Variants in PHLPP1 observed in about 807,000 individuals in gnomAD.
PHLPP1 encodes the protein PH domain leucine-rich repeat-containing protein phosphatase 1.
In PHLPP1, 42 loss-of-function variants were observed where a neutral mutation model predicts 117.2. That is an observed-to-expected ratio of 0.36 (90% confidence interval 0.28 to 0.46). PHLPP1 has a LOEUF of 0.46. Among genes scored for constraint, PHLPP1 ranks in the 20% least tolerant of loss-of-function variants. PHLPP1 has a pLI of 1.00. For synonymous variants in PHLPP1, 1,042 were observed against 970.7 expected, an observed-to-expected ratio of 1.07 and a Z score of -1.37; for missense variants, 2,084 against 2,241.9, an observed-to-expected ratio of 0.93 and a Z score of 1.42.
intron 1 of PHLPP1, among the ~76,000 whole-genome samples, chr18:62,780,296 G>T (rs1354605136): frequency 6.6e-6 from 1 of 152,136 alleles, no homozygotes; most frequent in Non-Finnish European, 1.5e-5. Flanking sequence ...TACTGTACAT[G>T]ATTTATTGGG....
chr18:62,953,509 A>G (rs541453158), intron 12 of PHLPP1, among the ~76,000 whole-genome samples: 3 of 152,292 alleles, frequency 2.0e-5, no homozygotes, highest in East Asian at 3.9e-4. Context: ...CTGGGCTGCT[A>G]TGACCTGTGC....
At chr18:62,800,312 G>A (rs1016918800) in intron 1 of PHLPP1, among the ~76,000 whole-genome samples, 1 of 152,164 alleles carries the variant, frequency 6.6e-6, no homozygotes, top group Non-Finnish European at 1.5e-5. Flanking sequence ...AATGTTCTTC[G>A]TTTGCGTTAT....
rs190363886 is a variant in PHLPP1 at position 62,836,292 on chromosome 18, C to T, written c.1774-2492C>T. ...TTACTAAAAATACAAAAATTGGTGGCGCAGTGGCAGGCGCCTGTAATCCCA... is the reference window on the plus strand; with the variant it reads ...TTACTAAAAATACAAAAATTGGTGGTGCAGTGGCAGGCGCCTGTAATCCCA... On this transcript the variant is annotated intron_variant, in intron 2 of 16. Transcript: ENST00000262719. 2.1e-4 allele frequency among the ~76,000 whole-genome samples: 32 copies of T among 151,066 alleles called. No homozygotes were observed. In the East Asian group the frequency reaches 5.5e-3, roughly 26 times the overall value.
chr18:62,968,831 GC>G (rs1910975169), intron 14 of PHLPP1, among the ~76,000 whole-genome samples: 1 of 152,048 alleles, frequency 6.6e-6, no homozygotes, highest in Non-Finnish European at 1.5e-5. Context: ...ACCATGCCCA[GC>G]CCATTATTAT....
rs1323317692 is a variant in PHLPP1 at position 62,849,798 on chromosome 18, A to C, written c.1900-10637A>C. Among the ~76,000 whole-genome samples the C allele has an allele frequency of 2.3e-3, 32 of 13,712 alleles. 1 individual carries two copies. The South Asian group carries it at 0.052, about 22-fold the overall frequency. 9.0% of individuals were successfully genotyped at this position (13,712 alleles called of 152,430 possible). ...CAACATAGCAAGGCCCTGTCTCTAC[A>C]AAAAAAAAAAAAAAAAAAAAAAAAA... On this transcript the variant is annotated intron_variant, in intron 3 of 16. Transcript: ENST00000262719.
In PHLPP1 at chr18:62,886,735, G is replaced by A. The variant is rs553734626; in HGVS notation, c.2067-8276G>A. Among the ~76,000 whole-genome samples the A allele has an allele frequency of 2.0e-5, 3 of 152,324 alleles. No individual in the cohort carries two copies. In the South Asian group the frequency reaches 6.2e-4, roughly 32 times the overall value. Reference sequence around the variant, plus strand: ...ACTTGGTATCAGTAACTAAAAGCGTGCCTTTGGAGTAAGTCAGACCTGAGT... The same window carrying A: ...ACTTGGTATCAGTAACTAAAAGCGTACCTTTGGAGTAAGTCAGACCTGAGT... On this transcript the variant is annotated intron_variant, in intron 4 of 16. Transcript: ENST00000262719.
chr18:62,763,921 G>C (rs571716698), intron 1 of PHLPP1, among the ~76,000 whole-genome samples: 1 of 152,130 alleles, frequency 6.6e-6, no homozygotes, highest in Admixed American at 6.5e-5. Flanking sequence ...CCAGCACTTT[G>C]GGAGGCTGAG....
At chr18:62,947,359 T>C (rs978072138) in intron 12 of PHLPP1, among the ~76,000 whole-genome samples, 1 of 152,258 alleles carries the variant, frequency 6.6e-6, no homozygotes, top group Non-Finnish European at 1.5e-5. Context: ...ATGTGGTTCA[T>C]ATGTGATGTT....
At chr18:62,717,467 C>A (rs760684532) in intron 1 of PHLPP1, among the ~76,000 whole-genome samples, 18 of 152,166 alleles carry the variant, frequency 1.2e-4, no homozygotes, top group Admixed American at 5.9e-4. Flanking sequence ...CTTGAGGGCT[C>A]AGAGGTTGGA....
intron 4 of PHLPP1, among the ~76,000 whole-genome samples, chr18:62,886,511 G>A (rs1475402313): frequency 1.3e-5 from 2 of 152,186 alleles, no homozygotes; most frequent in Non-Finnish European, 2.9e-5. Flanking sequence ...CTGGCCTCAA[G>A]TGGTCCTCCT....
chr18:62,735,944 A>G, intron 1 of PHLPP1, among the ~76,000 whole-genome samples: 1 of 151,506 alleles, frequency 6.6e-6, no homozygotes, highest in African/African-American at 2.4e-5. Flanking sequence ...AACTTAAAGT[A>G]TAATAATAAT....
rs960532288 is a variant in PHLPP1 at position 62,979,578 on chromosome 18, T to C, written c.*147T>C. On this transcript the variant is annotated 3_prime_UTR_variant, in exon 17 of 17. Transcript: ENST00000262719. ...GTCATCGCAGCTAATCTGTAGGTTC[T>C]CTTTCTTTGGGTTATTTTTTTAAGT... The C allele has an allele frequency of 1.3e-5, 11 of 851,510 alleles. No homozygotes were observed. The highest frequency in any genetic ancestry group is 1.8e-5 in the Non-Finnish European group (10 of 560,636). The allele number at this position is 851,510 out of a possible 1,614,324, so 52.7% of individuals were successfully genotyped here. A position where few individuals can be genotyped will look rare whatever the true frequency, so the allele number is the denominator to read the frequency against.
chr18:62,749,100 T>G (rs1911764837), intron 1 of PHLPP1, among the ~76,000 whole-genome samples: 1 of 152,190 alleles, frequency 6.6e-6, no homozygotes, highest in Admixed American at 6.5e-5. Context: ...TTGTAGGTGT[T>G]ACACTTTTCT....
intron 1 of PHLPP1, among the ~76,000 whole-genome samples, chr18:62,786,461 T>C (rs1000644480): frequency 8.5e-5 from 13 of 152,224 alleles, no homozygotes; most frequent in Non-Finnish European, 1.6e-4. Context: ...CAGACTGTCT[T>C]GGCTGTTTTA....
At chr18:62,793,550 A>G (rs1212896582) in intron 1 of PHLPP1, among the ~76,000 whole-genome samples, 2 of 152,224 alleles carry the variant, frequency 1.3e-5, no homozygotes, top group Non-Finnish European at 2.9e-5. Context: ...ACCTGGATTT[A>G]TTGAACATAG....
chr18:62,967,362 A>T (rs763594426), intron 14 of PHLPP1, among the ~76,000 whole-genome samples: 1 of 152,204 alleles, frequency 6.6e-6, no homozygotes, highest in Non-Finnish European at 1.5e-5. Context: ...CGCTCCCAAC[A>T]GCAATGTCTA....
In PHLPP1 at chr18:62,900,488, A is replaced by G. The variant is rs1206350301; in HGVS notation, c.2445-2476A>G. 6.6e-5 allele frequency among the ~76,000 whole-genome samples: 8 copies of G among 120,782 alleles called. No homozygotes were observed. The South Asian group carries it at 8.3e-4, about 12-fold the overall frequency. The allele number at this position is 120,782 out of a possible 152,430, so 79.2% of individuals were successfully genotyped here. On this transcript the variant is annotated intron_variant, in intron 6 of 16. Transcript: ENST00000262719. ...AGACAGGGTCTCACTTTGTTACCCA[A>G]GCTGGAATGCAATCACAGCTTGTTA...
At chr18:62,903,864 A>G (rs1916785702) in intron 7 of PHLPP1, among the ~76,000 whole-genome samples, 1 of 152,200 alleles carries the variant, frequency 6.6e-6, no homozygotes, top group Non-Finnish European at 1.5e-5. Context: ...AGTCTTAATC[A>G]TTTAATAATA....
intron 9 of PHLPP1, 44 bp downstream of exon 9, chr18:62,915,052 C>T (rs1418389967): frequency 1.4e-6 from 2 of 1,412,600 alleles, no homozygotes; most frequent in Admixed American, 2.0e-5. Context: ...AATAAATGAG[C>T]AATTTTAAAA....
Sources: allele counts gnomAD v4.1 joint callset (sites outside exome capture counted in the v4.1 genomes callset), GRCh38; gene constraint gnomAD v4.1.1; transcripts MANE v1.5; gene names NCBI Gene and HGNC (gene_info 2026-07-23, HGNC 2026-07-21).